GRM7: variants seen among roughly 807,000 people sequenced by gnomAD.
GRM7 encodes the protein metabotropic glutamate receptor 7.
Under a neutral mutation model 84.5 loss-of-function variants are expected in GRM7, and 35 were observed. That is an observed-to-expected ratio of 0.41 (90% CI 0.32 to 0.55). GRM7 has a LOEUF of 0.55. Ranked by LOEUF, GRM7 falls within the 20% of genes least tolerant of loss-of-function variation. GRM7 has a pLI of 0.19. For missense variants in GRM7, 1,003 were observed against 1,194.6 expected (o/e 0.84, Z 2.36); for synonymous variants, 487 against 455.1 (o/e 1.07, Z -0.89).
At chr3:7,718,837 G>C (rs1701846805) in intron 9 of GRM7, among the ~76,000 whole-genome samples, 1 of 152,090 alleles carries the variant, frequency 6.6e-6, no homozygotes, top group African/African-American at 2.4e-5. Context: ...AGAACAGCAG[G>C]GTCTTTGGTG....
At chr3:7,128,745 T>C (rs1693489110) in intron 1 of GRM7, among the ~76,000 whole-genome samples, 1 of 151,390 alleles carries the variant, frequency 6.6e-6, no homozygotes, top group African/African-American at 2.4e-5. Flanking sequence ...TGATTTTAGG[T>C]GATCCACCCA....
chr3:7,044,079 A>G (rs1696720981), intron 1 of GRM7, among the ~76,000 whole-genome samples: 1 of 152,214 alleles, frequency 6.6e-6, no homozygotes, highest in African/African-American at 2.4e-5. Flanking sequence ...ACATCACCTT[A>G]TTTTAGAAAT....
At chr3:7,051,872 T>A (rs930063492) in intron 1 of GRM7, among the ~76,000 whole-genome samples, 1 of 151,808 alleles carries the variant, frequency 6.6e-6, no homozygotes, top group Non-Finnish European at 1.5e-5. Flanking sequence ...AATCTCTACA[T>A]CAATGGGTGA....
intron 4 of GRM7, among the ~76,000 whole-genome samples, chr3:7,377,987 A>G (rs887414771): frequency 6.6e-6 from 1 of 152,138 alleles, no homozygotes; most frequent in African/African-American, 2.4e-5. Context: ...ATTTCCCAGA[A>G]TGTAGTCACC....
intron 1 of GRM7, among the ~76,000 whole-genome samples, chr3:6,899,036 C>G (rs1337768860): frequency 1.3e-5 from 2 of 152,120 alleles, no homozygotes; most frequent in Non-Finnish European, 2.9e-5. Flanking sequence ...GGGGCAAAAT[C>G]TAGCTTCCTC....
chr3:6,988,163 ATTTTTTTT>A (rs760807880), intron 1 of GRM7, among the ~76,000 whole-genome samples: 3 of 95,292 alleles, frequency 3.1e-5, no homozygotes, highest in East Asian at 7.0e-4. Context: ...CGCCTGGCTA[ATTTTTTTT>A]TTTTTTTTTT....
chr3:7,577,375 A>G (rs1321480475), intron 7 of GRM7, among the ~76,000 whole-genome samples: 4 of 152,210 alleles, frequency 2.6e-5, no homozygotes, highest in Non-Finnish European at 5.9e-5. Flanking sequence ...GAGAACCACT[A>G]CAATATACTA....
chr3:7,140,503 G>A lies in GRM7; in HGVS notation c.520-5949G>A, dbSNP rs553044131. ...TTCCAGATTTGCCACTTACTTATAC[G>A]TAACCTTCAAAGTGGTTCTTGATCT... On this transcript the variant is annotated intron_variant, in intron 1 of 9. Transcript: ENST00000357716. 1.6e-4 allele frequency among the ~76,000 whole-genome samples: 24 copies of A among 152,086 alleles called. No individual in the cohort carries two copies. The South Asian group carries it at 2.3e-3, about 14-fold the overall frequency.
chr3:7,334,163 T>C (rs552823717), intron 4 of GRM7, among the ~76,000 whole-genome samples: 2 of 152,086 alleles, frequency 1.3e-5, no homozygotes, highest in Non-Finnish European at 2.9e-5. Context: ...GTTATCAGAT[T>C]ATCTAAATTC....
At position 7,602,123 on chromosome 3, in the gene GRM7, A is replaced by G. The variant is rs927443729; in HGVS notation, c.2451+22766A>G. Among the ~76,000 whole-genome samples the G allele has an allele frequency of 6.6e-5, 10 of 151,762 alleles. 1 individual carries two copies. Among genetic ancestry groups the G allele is most frequent in the African/African-American group, 2.4e-4 (10 of 41,450 alleles). ...AAAAGGCATTCTGTTTGTTAAACAA[A>G]CACTTATCTTTGGAAAACAGGATAA... On this transcript the variant is annotated intron_variant, in intron 8 of 9. Transcript: ENST00000357716.
intron 1 of GRM7, among the ~76,000 whole-genome samples, chr3:7,094,072 A>T (rs1157155505): frequency 6.6e-6 from 1 of 152,184 alleles, no homozygotes; most frequent in Non-Finnish European, 1.5e-5. Context: ...AGTGGGCACC[A>T]TTCTAGGTAC....
At chr3:7,568,078 A>C (rs1694409547) in intron 7 of GRM7, among the ~76,000 whole-genome samples, 1 of 152,166 alleles carries the variant, frequency 6.6e-6, no homozygotes, top group Admixed American at 6.5e-5. Context: ...TTGCTTAGTA[A>C]GTTATTCATT....
At chr3:7,103,860 C>G (rs1317934448) in intron 1 of GRM7, among the ~76,000 whole-genome samples, 2 of 146,550 alleles carry the variant, frequency 1.4e-5, no homozygotes, top group African/African-American at 2.6e-5. Flanking sequence ...CTCTCTCTTT[C>G]TTTCTTTCTT....
chr3:7,386,939 T>G (rs952412058), intron 4 of GRM7, among the ~76,000 whole-genome samples: 1 of 152,226 alleles, frequency 6.6e-6, no homozygotes, highest in Admixed American at 6.5e-5. Context: ...TGTTATGTTT[T>G]GATTTTTCAA....
intron 7 of GRM7, among the ~76,000 whole-genome samples, chr3:7,481,684 A>C (rs1223766208): frequency 6.6e-6 from 1 of 152,194 alleles, no homozygotes; most frequent in Non-Finnish European, 1.5e-5. Context: ...TTGGGGGAAG[A>C]ATCCTCTCTC....
chr3:7,498,281 T>C (rs1202233965), intron 7 of GRM7, among the ~76,000 whole-genome samples: 2 of 152,130 alleles, frequency 1.3e-5, no homozygotes, highest in South Asian at 2.1e-4. Flanking sequence ...CAAGGGGCAA[T>C]AGCCTACAAT....
At chr3:7,417,585 G>C (rs1696218878) in intron 5 of GRM7, among the ~76,000 whole-genome samples, 1 of 152,104 alleles carries the variant, frequency 6.6e-6, no homozygotes, top group Non-Finnish European at 1.5e-5. Context: ...CAGATGAGCA[G>C]GCTAGCTGAG....
intron 4 of GRM7, among the ~76,000 whole-genome samples, chr3:7,335,742 G>A (rs1261828859): frequency 6.6e-6 from 1 of 152,008 alleles, no homozygotes; most frequent in Non-Finnish European, 1.5e-5. Flanking sequence ...AAATACCACA[G>A]AAATACTAAA....
intron 8 of GRM7, among the ~76,000 whole-genome samples, chr3:7,631,743 G>A (rs3864065): frequency 0.71 from 107,517 of 151,922 alleles, 38,344 homozygotes; most frequent in South Asian, 0.79. Flanking sequence ...CCCGTTTCCC[G>A]GGTGTGTCAA....
Sources: allele counts gnomAD v4.1 joint callset (sites outside exome capture counted in the v4.1 genomes callset), GRCh38; gene constraint gnomAD v4.1.1; transcripts MANE v1.5; gene names NCBI Gene and HGNC (gene_info 2026-07-23, HGNC 2026-07-21).